Variants in PSD3 observed in about 807,000 individuals in gnomAD.
The protein encoded by PSD3 is pleckstrin and Sec7 domain containing 3, also known as PH and SEC7 domain-containing protein 3.
In PSD3, 49 loss-of-function variants were observed where a neutral mutation model predicts 105.5. The observed-to-expected ratio is 0.46, with a 90% confidence interval of 0.37 to 0.59. The LOEUF is 0.59. Among genes scored for constraint, PSD3 ranks in the 20% least tolerant of loss-of-function variants. The pLI is 0.00. For missense variants in PSD3, 1,561 were observed against 1,263.8 expected, an observed-to-expected ratio of 1.24 and a Z score of -3.57; for synonymous variants, 557 against 457.8, an observed-to-expected ratio of 1.22 and a Z score of -2.77.
At chr8:19,000,620 G>T (rs942774842) in intron 1 of PSD3, 2 of 151,780 alleles carry the variant, frequency 1.3e-5, no homozygotes, top group African/African-American at 4.8e-5. Flanking sequence ...AGCTATTAAT[G>T]AAAGTCACAC....
rs529508839 is a variant in PSD3 at position 19,052,031 on chromosome 8, G to A, written c.324+32175C>T. On this transcript the variant is annotated intron_variant, in intron 1 of 1. Transcript: ENST00000521475. ...ATGAGGAAGGGGGCATTTGTGCCAG[G>A]GTCCACAATTTGCCCAATTTCAGGC... 2.6e-5 allele frequency among the ~76,000 whole-genome samples: 4 copies of A among 152,308 alleles called. No homozygotes were observed. The East Asian group carries it at 5.8e-4, about 22-fold the overall frequency.
intron 4 of PSD3, among the ~76,000 whole-genome samples, chr8:18,813,788 A>T (rs1340349176): frequency 1.3e-5 from 2 of 152,184 alleles, no homozygotes; most frequent in South Asian, 4.1e-4. Flanking sequence ...TATAAAACAG[A>T]TAATAGTATC....
chr8:18,732,027 A>T (rs1269159327), intron 9 of PSD3, among the ~76,000 whole-genome samples: 4 of 152,146 alleles, frequency 2.6e-5, no homozygotes, highest in Non-Finnish European at 5.9e-5. Flanking sequence ...TGAGAGAGAC[A>T]AGTAATTTTC....
chr8:18,659,702 G>A (rs1475060151), intron 9 of PSD3, among the ~76,000 whole-genome samples: 3 of 152,176 alleles, frequency 2.0e-5, no homozygotes, highest in Admixed American at 6.5e-5. Context: ...AAGAGCCACC[G>A]TTGCTAGGAC....
intron 1 of PSD3, among the ~76,000 whole-genome samples, chr8:19,041,117 C>T (rs1395921583): frequency 1.3e-5 from 2 of 151,866 alleles, no homozygotes; most frequent in Non-Finnish European, 1.5e-5. Flanking sequence ...GGCTGGTCTC[C>T]GACTCCTGGG....
intron 1 of PSD3, among the ~76,000 whole-genome samples, chr8:19,007,827 G>A (rs953689964): frequency 2.6e-5 from 4 of 152,160 alleles, no homozygotes; most frequent in East Asian, 3.9e-4. Context: ...TTTCTTCAAG[G>A]GAGATTTTTT....
At chr8:18,717,496 G>A (rs1198686222) in intron 9 of PSD3, among the ~76,000 whole-genome samples, 1 of 151,904 alleles carries the variant, frequency 6.6e-6, no homozygotes, top group Non-Finnish European at 1.5e-5. Flanking sequence ...AATGTTGCAA[G>A]CTTTTGAGCC....
chr8:18,759,983 G>C (rs762274748), intron 9 of PSD3, among the ~76,000 whole-genome samples: 1 of 113,374 alleles, frequency 8.8e-6, no homozygotes, highest in Non-Finnish European at 1.7e-5. Flanking sequence ...ATAGAAGATA[G>C]AAACGCAGCT....
At chr8:18,587,299 C>G (rs891571977) in intron 12 of PSD3, among the ~76,000 whole-genome samples, 7 of 152,140 alleles carry the variant, frequency 4.6e-5, no homozygotes, top group Non-Finnish European at 8.8e-5. Flanking sequence ...CGGCAATGAC[C>G]TCTCACTCAA....
At chr8:18,612,272 G>C (rs1485417178) in intron 11 of PSD3, among the ~76,000 whole-genome samples, 1 of 152,128 alleles carries the variant, frequency 6.6e-6, no homozygotes, top group Non-Finnish European at 1.5e-5. Context: ...TCTAAAATTG[G>C]ATTCTGATGC....
intron 9 of PSD3, among the ~76,000 whole-genome samples, chr8:18,686,037 A>AAACAAC (rs754605707): frequency 6.6e-6 from 1 of 152,020 alleles, no homozygotes; most frequent in African/African-American, 2.4e-5. Flanking sequence ...ACAAACAAAC[A>AAACAAC]AACAACAACA....
intron 2 of PSD3, among the ~76,000 whole-genome samples, chr8:18,924,091 T>C (rs1467240548): frequency 1.3e-5 from 2 of 152,188 alleles, no homozygotes; most frequent in African/African-American, 4.8e-5. Context: ...TAGTTAAGGC[T>C]ACCAGCATAC....
chr8:18,846,987 C>G (rs1815143503), intron 4 of PSD3, among the ~76,000 whole-genome samples: 1 of 152,094 alleles, frequency 6.6e-6, no homozygotes, highest in South Asian at 2.1e-4. Flanking sequence ...TCCCTTAACT[C>G]TAAAGGGAGA....
intron 15 of PSD3, among the ~76,000 whole-genome samples, chr8:18,541,443 G>C (rs1174680716): frequency 2.0e-5 from 3 of 152,128 alleles, no homozygotes; most frequent in Admixed American, 2.0e-4. Flanking sequence ...TCCTAATTCA[G>C]GATCCTCTGG....
In PSD3 at chr8:18,556,277, G is replaced by T; in HGVS notation, c.2860C>A (p.Pro954Thr). ...TCCTTGGCTTTGACCTTCTTGTCGG[G>T]GGGATATGAGCGGTGCTCGGCCAGC... ...TELAEHRSYP[P>T]DKKVKAKDVD... The change falls in exon 15 of 16, where the codon CCC becomes ACC. Residue 954 changes from proline (P) to threonine (T), a missense_variant. Pro to Thr is a conservative substitution (Grantham distance 38). Transcript: ENST00000327040. 1 of 1,614,064 alleles carries T rather than the reference G, an allele frequency of 6.2e-7. No homozygotes were observed. Among genetic ancestry groups the T allele is most frequent in the Non-Finnish European group, 8.5e-7 (1 of 1,179,986 alleles).
At chr8:18,920,593 C>G (rs1011293143) in intron 2 of PSD3, among the ~76,000 whole-genome samples, 1 of 152,202 alleles carries the variant, frequency 6.6e-6, no homozygotes, top group African/African-American at 2.4e-5. Context: ...TCCTAGAAAA[C>G]TCACTGATAC....
chr8:18,806,975 A>C (rs1470937153), intron 4 of PSD3, among the ~76,000 whole-genome samples: 1 of 151,992 alleles, frequency 6.6e-6, no homozygotes, highest in African/African-American at 2.4e-5. Context: ...CGACTAAACA[A>C]CTCTGAATAT....
At chr8:18,644,026 C>A (rs1287057163) in intron 10 of PSD3, among the ~76,000 whole-genome samples, 2 of 152,200 alleles carry the variant, frequency 1.3e-5, no homozygotes, top group African/African-American at 4.8e-5. Context: ...GGAGAGCACC[C>A]TGGGCCCATC....
intron 2 of PSD3, among the ~76,000 whole-genome samples, chr8:18,879,051 A>AACACACACACACACACACACACACACAC (rs59598569): frequency 3.6e-5 from 5 of 138,568 alleles, no homozygotes; most frequent in South Asian, 2.4e-4. Flanking sequence ...CACACACACA[A>AACACACACACACACACACACACACACAC]ACACACACAC....
Sources: allele counts gnomAD v4.1 joint callset (sites outside exome capture counted in the v4.1 genomes callset), GRCh38; gene constraint gnomAD v4.1.1; transcripts MANE v1.5; gene names NCBI Gene and HGNC (gene_info 2026-07-23, HGNC 2026-07-21).